SALL3: variants seen among roughly 807,000 people sequenced by gnomAD.
SALL3 encodes spalt like transcription factor 3.
A neutral mutation model predicts 66.2 loss-of-function variants in SALL3; 25 were observed. The ratio of observed to expected loss-of-function variants is 0.38; its 90% CI spans 0.28 to 0.53. The LOEUF is 0.53. Ranked by LOEUF, SALL3 falls within the 20% of genes least tolerant of loss-of-function variation. The pLI, the probability that SALL3 is intolerant of heterozygous loss-of-function variation, is 0.85. For synonymous variants in SALL3, 1,152 were observed against 899.1 expected, an observed-to-expected ratio of 1.28 and a Z score of -5.03; for missense variants, 2,194 against 1,916.5, an observed-to-expected ratio of 1.14 and a Z score of -2.70.
At chr18:78,983,222 A>G (rs559764014) in intron 1 of SALL3, among the ~76,000 whole-genome samples, 2 of 152,326 alleles carry the variant, frequency 1.3e-5, no homozygotes, top group East Asian at 3.9e-4. Flanking sequence ...TTTTAGAAGA[A>G]AGGCGCTGCA....
chr18:78,993,889 G>A lies in SALL3; in HGVS notation c.1898G>A (p.Ser633Asn), dbSNP rs779246762. ...GACGGCGCACCCACGAGCCTCGGCA[G>A]CCCCGGGCTGCCCGCCGTCTCCGAG... is the stretch of plus-strand genomic sequence containing the variant. ...SVDGAPTSLG[S>N]PGLPAVSEQF... The change falls in exon 2 of 3, where the codon AGC (serine) becomes AAC (asparagine). Residue 633 changes from serine to asparagine, a missense_variant. Ser to Asn is a conservative substitution (Grantham distance 46). Transcript: ENST00000537592. 67 of 1,580,430 alleles carry A rather than the reference G, an allele frequency of 4.2e-5. No individual in the cohort carries two copies. Among genetic ancestry groups the A allele is most frequent in the Non-Finnish European group, 4.9e-5 (57 of 1,164,636 alleles).
At position 78,995,431 on chromosome 18, in the gene SALL3, G is replaced by A. The variant is rs747460032; in HGVS notation, c.3440G>A (p.Gly1147Asp). 1.3e-6 allele frequency: 2 copies of A among 1,583,954 alleles called. No individual in the cohort carries two copies. The highest frequency in any genetic ancestry group is 1.7e-6 in the Non-Finnish European group (2 of 1,172,918). Residue 1147 changes from glycine (G) to aspartate (D), a missense_variant, in exon 2 of 3, where the codon GGC becomes GAC. Gly to Asp is a moderately conservative substitution (Grantham distance 94). Coordinates refer to ENST00000537592, the MANE Select transcript of SALL3 (RefSeq NM_171999.4). ...AAGCCGTTCGGCTGCACCATCTGCG[G>A]CCGGGCCTTCACCACTAAGGGCAAC... ...GEKPFGCTIC[G>D]RAFTTKGNLK...
At position 78,993,380 on chromosome 18, in the gene SALL3, G is replaced by A. The variant is rs1914544471; in HGVS notation, c.1389G>A (p.Leu463=). The A allele has an allele frequency of 6.2e-7, 1 of 1,612,674 alleles. No individual in the cohort carries two copies. The highest frequency in any genetic ancestry group is 8.5e-7 in the Non-Finnish European group (1 of 1,179,866). ...ACCGCTTCTCCACCAAAGGCAACCT[G>A]AAGGTGCACTTCCAGAGGCACAAGG... ...CGNRFSTKGN[L]KVHFQRHKEK... The change falls in exon 2 of 3, where the codon CTG becomes CTA. Residue 463 remains leucine (L), a synonymous_variant. Coordinates refer to ENST00000537592, the MANE Select transcript of SALL3 (RefSeq NM_171999.4).
In SALL3 at chr18:78,979,972, G is replaced by A. The variant is rs910584148; in HGVS notation, c.-303G>A. 6.9e-6 allele frequency among the ~76,000 whole-genome samples: 1 copy of A among 145,064 alleles called. No homozygotes were observed. The highest frequency in any genetic ancestry group is 2.0e-4 in the East Asian group (1 of 4,902). ...GAGCCCGCGATGTGAGGCGGCGCCG[G>A]GCAGCGCGCGCCCCGGTCCCGAGGC... is the stretch of plus-strand genomic sequence containing the variant. On this transcript the variant is annotated 5_prime_UTR_variant, in exon 1 of 3. Transcript: ENST00000537592.
chr18:78,988,536 A>G (rs1914320612), intron 1 of SALL3, among the ~76,000 whole-genome samples: 1 of 152,248 alleles, frequency 6.6e-6, no homozygotes, highest in South Asian at 2.1e-4. Flanking sequence ...TCCTACAACC[A>G]GTTCAGTCAA....
intron 1 of SALL3, among the ~76,000 whole-genome samples, chr18:78,982,674 A>G (rs1019078779): frequency 2.0e-5 from 3 of 152,192 alleles, no homozygotes; most frequent in African/African-American, 7.2e-5. Context: ...AATTACTCCA[A>G]CCTGAGTCAG....
intron 1 of SALL3, among the ~76,000 whole-genome samples, chr18:78,981,355 A>G (rs1185244737): frequency 6.6e-6 from 1 of 152,232 alleles, no homozygotes; most frequent in Non-Finnish European, 1.5e-5. Context: ...AGCCCGCAGC[A>G]CAGCTCGCAG....
chr18:78,993,193 C>T lies in SALL3; in HGVS notation c.1202C>T (p.Pro401Leu), dbSNP rs1230527569. 5 of 1,610,808 alleles carry T rather than the reference C, an allele frequency of 3.1e-6. No individual in the cohort carries two copies. Among genetic ancestry groups the T allele is most frequent in the Admixed American group, 3.3e-5 (2 of 59,890 alleles). Residue 401 changes from proline to leucine, a missense_variant, in exon 2 of 3, where the codon CCG (proline) becomes CTG (leucine). Pro to Leu is a moderately conservative substitution (Grantham distance 98). Coordinates refer to ENST00000537592, the MANE Select transcript of SALL3 (RefSeq NM_171999.4). ...SALMKHRKGK[P>L]PNVSVFEPKA... ...CTCATGAAGCACCGCAAGGGCAAGC[C>T]GCCCAATGTGTCGGTGTTCGAGCCC...
intron 1 of SALL3, among the ~76,000 whole-genome samples, chr18:78,990,256 C>G (rs140830061): frequency 6.6e-6 from 1 of 152,314 alleles, no homozygotes; most frequent in East Asian, 1.9e-4. Context: ...TTCCTCCATA[C>G]AGTAATGAGA....
At position 78,992,565 on chromosome 18, in the gene SALL3, G is replaced by C; in HGVS notation, c.574G>C (p.Gly192Arg). The change falls in exon 2 of 3, where the codon GGA becomes CGA. Residue 192 changes from glycine (G) to arginine (R), a missense_variant. By Grantham distance (125) the Gly-to-Arg change is moderately radical. Coordinates refer to ENST00000537592, the MANE Select transcript of SALL3 (RefSeq NM_171999.4). Reference sequence around the variant, plus strand: ...GGGCGCGCGCGCGGCAGGCGGCTCGGGAGCAGGTGGAGGCGTGGCAGCTGC... The same window carrying C: ...GGGCGCGCGCGCGGCAGGCGGCTCGCGAGCAGGTGGAGGCGTGGCAGCTGC... Reference protein sequence around the residue: ...SQGARAAGGSGAGGGVAAAAV... With the variant: ...SQGARAAGGSRAGGGVAAAAV... The C allele has an allele frequency of 6.6e-7, 1 of 1,504,214 alleles. No homozygotes were observed. Among genetic ancestry groups the C allele is most frequent in the Non-Finnish European group, 8.8e-7 (1 of 1,134,536 alleles). The allele number at this position is 1,504,214 out of a possible 1,614,324, so 93.2% of individuals were successfully genotyped here. A position where few individuals can be genotyped will look rare whatever the true frequency, so the allele number is the denominator to read the frequency against.
Position 78,997,214 on chromosome 18 carries a change from T to C in SALL3, c.3795T>C (p.Thr1265=). 6.2e-7 allele frequency: 1 copy of C among 1,614,012 alleles called. No individual in the cohort carries two copies. Among genetic ancestry groups the C allele is most frequent in the Non-Finnish European group, 8.5e-7 (1 of 1,180,016 alleles). The change falls in exon 3 of 3, where the codon ACT becomes ACC. Residue 1265 remains threonine (T), a synonymous_variant. Coordinates refer to ENST00000537592, the MANE Select transcript of SALL3 (RefSeq NM_171999.4). ...CCAGTGGGATGGACAAAGCACGCAC[T>C]GGCAGTAGCCCACCCATCGTCAGCT... is the stretch of plus-strand genomic sequence containing the variant. ...SMASGMDKAR[T]GSSPPIVSLD...
In SALL3 at chr18:78,992,063, T is replaced by C. The variant is rs770222561; in HGVS notation, c.83-11T>C. Reference sequence around the variant, plus strand: ...CCGAGCCCCGGCTGACTCACTCTCTTGGTCTTGCAGCCGCCCCGGGGGAAG... The same window carrying C: ...CCGAGCCCCGGCTGACTCACTCTCTCGGTCTTGCAGCCGCCCCGGGGGAAG... On this transcript the variant is annotated splice_polypyrimidine_tract_variant and intron_variant, in intron 1 of 2. Coordinates refer to ENST00000537592, the MANE Select transcript of SALL3 (RefSeq NM_171999.4). 1.4e-5 allele frequency: 21 copies of C among 1,460,674 alleles called. No individual in the cohort carries two copies. The highest frequency in any genetic ancestry group is 5.1e-5 in the Admixed American group (2 of 39,442). The allele number at this position is 1,460,674 out of a possible 1,614,324, so 90.5% of individuals were successfully genotyped here.
chr18:78,984,832 G>A (rs1218092746), intron 1 of SALL3, among the ~76,000 whole-genome samples: 2 of 152,214 alleles, frequency 1.3e-5, no homozygotes, highest in Admixed American at 1.3e-4. Context: ...TCTCCAGACT[G>A]AGACGGTGTC....
rs760655862 is a variant in SALL3 at position 78,994,179 on chromosome 18, C to T, written c.2188C>T (p.Arg730Cys). ...CCTCAAGACGCACTTCGGCGTGCAC[C>T]GTGCAAAGCCGCCCCTGCGCGTGCA... is the stretch of plus-strand genomic sequence containing the variant. Reference protein sequence around the residue: ...GNLKTHFGVHRAKPPLRVQHS... With the variant: ...GNLKTHFGVHCAKPPLRVQHS... The change falls in exon 2 of 3, where the codon CGT becomes TGT. Residue 730 changes from arginine (R) to cysteine (C), a missense_variant. Transcript: ENST00000537592. 1.1e-5 allele frequency: 17 copies of T among 1,613,242 alleles called. No homozygotes were observed. The highest frequency in any genetic ancestry group is 3.3e-5 in the Admixed American group (2 of 60,020).
intron 1 of SALL3, among the ~76,000 whole-genome samples, chr18:78,991,049 G>A (rs1914414923): frequency 6.6e-6 from 1 of 151,998 alleles, no homozygotes; most frequent in Non-Finnish European, 1.5e-5. Flanking sequence ...CCAATTAGAG[G>A]GTTTTCCACT....
At chr18:78,989,103 C>T (rs1914342577) in intron 1 of SALL3, among the ~76,000 whole-genome samples, 1 of 152,086 alleles carries the variant, frequency 6.6e-6, no homozygotes, top group Admixed American at 6.5e-5. Context: ...GTAATTATCA[C>T]TTATAATTGC....
chr18:78,993,364 C>G lies in SALL3; in HGVS notation c.1373C>G (p.Ser458Cys). The change falls in exon 2 of 3, where the codon TCC becomes TGC. Residue 458 changes from serine (S) to cysteine (C), a missense_variant. Physicochemically the swap from Ser to Cys is moderately radical, Grantham distance 112. Transcript: ENST00000537592. ...FKCNICGNRFSTKGNLKVHFQ... is the reference protein window; with the variant it reads ...FKCNICGNRFCTKGNLKVHFQ... ...TGCAACATCTGCGGGAACCGCTTCT[C>G]CACCAAAGGCAACCTGAAGGTGCAC... The G allele has an allele frequency of 6.2e-7, 1 of 1,612,628 alleles. No homozygotes were observed. Among genetic ancestry groups the G allele is most frequent in the Non-Finnish European group, 8.5e-7 (1 of 1,179,864 alleles).
chr18:78,997,507 C>T lies in SALL3; in HGVS notation c.*185C>T, dbSNP rs1241838693. 1 of 593,576 alleles carries T rather than the reference C, an allele frequency of 1.7e-6. No homozygotes were observed. Among genetic ancestry groups the T allele is most frequent in the Non-Finnish European group, 2.9e-6 (1 of 343,470 alleles). The allele number at this position is 593,576 out of a possible 1,614,324, so 36.8% of individuals were successfully genotyped here. On this transcript the variant is annotated 3_prime_UTR_variant, in exon 3 of 3. Transcript: ENST00000537592. ...CCCTTCAACAGCAAGCCTGACTGTTCTCGAGAACTCTGCAATCTTTTAAAT... is the reference window on the plus strand; with the variant it reads ...CCCTTCAACAGCAAGCCTGACTGTTTTCGAGAACTCTGCAATCTTTTAAAT...
chr18:78,986,480 T>A (rs183828560), intron 1 of SALL3, among the ~76,000 whole-genome samples: 1 of 152,238 alleles, frequency 6.6e-6, no homozygotes, highest in Admixed American at 6.5e-5. Flanking sequence ...TCTATTTGTC[T>A]CCTCCTGTTT....
Sources: allele counts gnomAD v4.1 joint callset (sites outside exome capture counted in the v4.1 genomes callset), GRCh38; gene constraint gnomAD v4.1.1; transcripts MANE v1.5; gene names NCBI Gene and HGNC (gene_info 2026-07-23, HGNC 2026-07-21).